The following IGSF9B variants were observed in gnomAD, a reference collection of about 807,000 sequenced individuals.
The protein encoded by IGSF9B is protein turtle homolog B.
A neutral mutation model predicts 143.7 loss-of-function variants in IGSF9B; 48 were observed. The ratio of observed to expected loss-of-function variants is 0.33; its 90% CI spans 0.26 to 0.42. IGSF9B has a LOEUF of 0.42. Ranked by LOEUF, IGSF9B falls within the 20% of genes least tolerant of loss-of-function variation. IGSF9B has a pLI of 1.00. For synonymous variants in IGSF9B, 903 were observed against 833.1 expected, an observed-to-expected ratio of 1.08 and a Z score of -1.44; for missense variants, 1,706 against 1,980.0, an observed-to-expected ratio of 0.86 and a Z score of 2.63.
intron 5 of IGSF9B, 81 bp downstream of exon 5, chr11:133,937,295 G>A: frequency 9.3e-7 from 1 of 1,069,942 alleles, no homozygotes; most frequent in Non-Finnish European, 1.4e-6. Context: ...TGAGCCCTGG[G>A]AAAACGCCCT....
chr11:133,932,108 T>A lies in IGSF9B; in HGVS notation c.1073A>T (p.Lys358Met), dbSNP rs1939742485. ...VDAEPPATVV[K>M]WNKDGRPLQV... is the part of the protein sequence containing the mutation. ...CAGGGGACGGCCGTCCTTGTTCCAC[T>A]TGACCACGGTGGCCGGTGGTTCTGC... Residue 358 changes from lysine (K) to methionine (M), a missense_variant, in exon 8 of 20, where the codon AAG becomes ATG. Coordinates refer to ENST00000533871, the MANE Select transcript of IGSF9B (RefSeq NM_001277285.4). 6.2e-7 allele frequency: 1 copy of A among 1,613,888 alleles called. No homozygotes were observed. The highest frequency in any genetic ancestry group is 8.5e-7 in the Non-Finnish European group (1 of 1,179,842).
intron 1 of IGSF9B, 67 bp from the exon 2 acceptor site, chr11:133,946,325 T>C (rs774190069): frequency 1.4e-6 from 2 of 1,418,068 alleles, no homozygotes; most frequent in African/African-American, 1.4e-5. Flanking sequence ...AGCAGCCCCA[T>C]GTCCGTGTCA....
At chr11:133,915,268 C>CTTTTT (rs33964936) in intron 18 of IGSF9B, among the ~76,000 whole-genome samples, 11 of 86,716 alleles carry the variant, frequency 1.3e-4, no homozygotes, top group East Asian at 3.2e-4. Context: ...CTCTCTCTCT[C>CTTTTT]TTTTTTTTTT....
intron 7 of IGSF9B, among the ~76,000 whole-genome samples, chr11:133,933,628 G>T: frequency 6.6e-6 from 1 of 152,196 alleles, no homozygotes; most frequent in East Asian, 1.9e-4. Context: ...CACACCTGTA[G>T]TCCCAGCTAC....
chr11:133,915,660 A>C (rs1046729195), intron 18 of IGSF9B, among the ~76,000 whole-genome samples: 1 of 152,228 alleles, frequency 6.6e-6, no homozygotes, highest in African/African-American at 2.4e-5. Context: ...AGATGCAGCC[A>C]GGTCAAAGTG....
At chr11:133,910,463 G>A (rs903718757) in intron 19 of IGSF9B, among the ~76,000 whole-genome samples, 3 of 152,158 alleles carry the variant, frequency 2.0e-5, no homozygotes, top group South Asian at 2.1e-4. Flanking sequence ...ATTACCTAGC[G>A]GGCTCGACGT....
intron 18 of IGSF9B, among the ~76,000 whole-genome samples, chr11:133,917,295 G>A (rs527722127): frequency 1.3e-4 from 20 of 152,142 alleles, no homozygotes; most frequent in Non-Finnish European, 2.5e-4. Flanking sequence ...GAGTCTCTGT[G>A]AGGGACTCAG....
In IGSF9B at chr11:133,909,081, G is replaced by A. The variant is rs928624383; in HGVS notation, c.4302C>T (p.Ala1434=). ...GAGTGGGGTGGAGTCACAGCAAAGT[G>A]GCATGTCCTGGGTCATCGTGGTCCA... ...NSVDHDDPGH[A]TLL Residue 1434 remains alanine, a synonymous_variant, in exon 20 of 20, where the codon GCC becomes GCT. Coordinates refer to ENST00000533871, the MANE Select transcript of IGSF9B (RefSeq NM_001277285.4). This position sits in a 1 kb window ranked among gnomAD's most constrained non-coding sequence, Gnocchi z 4.2. The A allele has an allele frequency of 3.9e-6, 6 of 1,535,720 alleles. No individual in the cohort carries two copies. Among genetic ancestry groups the A allele is most frequent in the Non-Finnish European group, 4.4e-6 (5 of 1,146,600 alleles).
chr11:133,922,841 A>G (rs2027788), intron 15 of IGSF9B, 111 bp from the exon 16 acceptor site: 459,639 of 1,048,982 alleles, frequency 0.44, 102,286 homozygotes, highest in East Asian at 0.65. Flanking sequence ...AGACAGTGTC[A>G]AGGCTCGGGC....
chr11:133,928,486 C>T lies in IGSF9B; in HGVS notation c.1631+1185G>A, dbSNP rs1342412038. 2.0e-5 allele frequency among the ~76,000 whole-genome samples: 3 copies of T among 152,180 alleles called. No individual in the cohort carries two copies. Among genetic ancestry groups the T allele is most frequent in the Non-Finnish European group, 2.9e-5 (2 of 68,034 alleles). ...TGCTGAGAAGTGGATAAAGGGGTCT[C>T]CCTGAACCCCCTGAGCTGCCCCAGG... On this transcript the variant is annotated intron_variant, in intron 12 of 19. Coordinates refer to ENST00000533871, the MANE Select transcript of IGSF9B (RefSeq NM_001277285.4). This position sits in a 1 kb window ranked among gnomAD's most constrained non-coding sequence, Gnocchi z 4.7.
chr11:133,908,780 G>C lies in IGSF9B; in HGVS notation c.*289C>G. On this transcript the variant is annotated 3_prime_UTR_variant, in exon 20 of 20. Coordinates refer to ENST00000533871, the MANE Select transcript of IGSF9B (RefSeq NM_001277285.4). ...CACTTCCAAAGACATTGGAAGAGAT[G>C]AGAAAAATCAACCTAGTGAAGCAGG... 2.7e-6 allele frequency: 1 copy of C among 367,972 alleles called. No individual in the cohort carries two copies. Among genetic ancestry groups the C allele is most frequent in the Non-Finnish European group, 5.0e-6 (1 of 201,186 alleles). The allele number at this position is 367,972 out of a possible 1,614,324, so 22.8% of individuals were successfully genotyped here.
At chr11:133,940,518 A>C (rs1939929518) in intron 3 of IGSF9B, among the ~76,000 whole-genome samples, 2 of 138,060 alleles carry the variant, frequency 1.4e-5, no homozygotes, top group African/African-American at 2.8e-5. Flanking sequence ...CGCACGCGTC[A>C]TCACATGCAA....
rs962789351 is a variant in IGSF9B, at chr11:133,920,695, G to C, written c.3030C>G (p.Pro1010=). The change falls in exon 18 of 20, where the codon CCC becomes CCG. Residue 1010 remains proline, a synonymous_variant. Coordinates refer to ENST00000533871, the MANE Select transcript of IGSF9B (RefSeq NM_001277285.4). ...TCTCTCCATTCTCCTCGGGGATGGT[G>C]GGGTGGCCAAAGGGCCCCTCGGTGG... ...PLPTEGPFGH[P]TIPEENGENA... The C allele has an allele frequency of 5.0e-6, 8 of 1,613,460 alleles. No individual in the cohort carries two copies. The East Asian group carries it at 1.6e-4, about 31-fold the overall frequency.
intron 7 of IGSF9B, 130 bp from the exon 8 acceptor site, chr11:133,932,343 G>C (rs1247580831): frequency 1.1e-5 from 10 of 936,110 alleles, no homozygotes; most frequent in Non-Finnish European, 1.4e-5. Flanking sequence ...CAGACAGACA[G>C]ACAGACAGAC....
rs773813481 is a variant in IGSF9B, at chr11:133,903,776, A to T, written c.*5293T>A. Among the ~76,000 whole-genome samples the T allele has an allele frequency of 6.6e-6, 1 of 152,194 alleles. No homozygotes were observed. Among genetic ancestry groups the T allele is most frequent in the African/African-American group, 2.4e-5 (1 of 41,438 alleles). On this transcript the variant is annotated 3_prime_UTR_variant, in exon 20 of 20. Transcript: ENST00000533871. ...GAAGGTTTTGAGAGTACAGACAGGAACCCAGAAATAAGGCTCTGAACCAGT... is the reference window on the plus strand; with the variant it reads ...GAAGGTTTTGAGAGTACAGACAGGATCCCAGAAATAAGGCTCTGAACCAGT...
rs987586876 is a variant in IGSF9B at position 133,898,606 on chromosome 11, A to G, written c.*10463T>C. 2 of 154,380 alleles carry G rather than the reference A, an allele frequency of 1.3e-5. No individual in the cohort carries two copies. Among genetic ancestry groups the G allele is most frequent in the African/African-American group, 4.8e-5 (2 of 41,522 alleles). The allele number at this position is 154,380 out of a possible 1,614,324, so 9.6% of individuals were successfully genotyped here. A position where few individuals can be genotyped will look rare whatever the true frequency, so the allele number is the denominator to read the frequency against. On this transcript the variant is annotated 3_prime_UTR_variant, in exon 20 of 20. Coordinates refer to ENST00000533871, the MANE Select transcript of IGSF9B (RefSeq NM_001277285.4). ...CTCTATCCCCAGCCCCACACCTGGCAGTTAGGAAATTAAATCTGAATGGGA... is the reference window on the plus strand; with the variant it reads ...CTCTATCCCCAGCCCCACACCTGGCGGTTAGGAAATTAAATCTGAATGGGA...
intron 3 of IGSF9B, among the ~76,000 whole-genome samples, chr11:133,942,642 C>A (rs1031467456): frequency 2.0e-5 from 3 of 152,160 alleles, no homozygotes; most frequent in African/African-American, 7.2e-5. Context: ...AGAGCACAGT[C>A]GAGAAGGGAA....
At position 133,904,986 on chromosome 11, in the gene IGSF9B, C is replaced by T. The variant is rs1035058016; in HGVS notation, c.*4083G>A. ...ACTTTATATGAAGAAGATACCCAGG[C>T]AGGGCTGGGTTAGAAGCCCCGGTGG... On this transcript the variant is annotated 3_prime_UTR_variant, in exon 20 of 20. Transcript: ENST00000533871. Among the ~76,000 whole-genome samples, 1 of 150,338 alleles carries T rather than the reference C, an allele frequency of 6.7e-6. No homozygotes were observed. Among genetic ancestry groups the T allele is most frequent in the Admixed American group, 6.7e-5 (1 of 14,948 alleles).
rs200416290 is a variant in IGSF9B, at chr11:133,919,761, G to C, written c.3964C>G (p.Pro1322Ala). Reference protein sequence around the residue: ...EELLRPETPPPTLPTSGTLPP... With the variant: ...EELLRPETPPATLPTSGTLPP... ...ACTCACCCTGAAGTAGGTAACGTGG[G>C]TGGTGGGGTCTCCGGTCGGAGCAAT... The change falls in exon 18 of 20, where the codon CCC (proline) becomes GCC (alanine). Residue 1322 changes from proline (P) to alanine (A), a missense_variant. Pro to Ala is a conservative substitution (Grantham distance 27). Coordinates refer to ENST00000533871, the MANE Select transcript of IGSF9B (RefSeq NM_001277285.4). 1,581 of 1,480,002 alleles carry C rather than the reference G, an allele frequency of 1.1e-3. 10 individuals carry two copies. The highest frequency in any genetic ancestry group is 6.8e-4 in the Non-Finnish European group (759 of 1,113,030). The allele number at this position is 1,480,002 out of a possible 1,614,324, so 91.7% of individuals were successfully genotyped here.
Sources: allele counts gnomAD v4.1 joint callset (sites outside exome capture counted in the v4.1 genomes callset), GRCh38; gene constraint gnomAD v4.1.1; non-coding constraint Gnocchi (gnomAD v3.1); transcripts MANE v1.5; gene names NCBI Gene and HGNC (gene_info 2026-07-23, HGNC 2026-07-21).